LMTK2: variants seen among roughly 807,000 people sequenced by gnomAD.
LMTK2 encodes the protein lemur tail kinase 2, also known as serine/threonine-protein kinase LMTK2.
LMTK2 carries 37 observed loss-of-function variants against 127.5 expected under a neutral mutation model. The observed-to-expected ratio is 0.29, with a 90% CI of 0.22 to 0.38. The LOEUF is 0.38. Among genes scored for constraint, LMTK2 ranks in the 10% least tolerant of loss-of-function variants. LMTK2 has a pLI of 1.00. For missense variants in LMTK2, 1,694 were observed against 1,920.3 expected (o/e 0.88, Z 2.20); for synonymous variants, 819 against 810.1 (o/e 1.01, Z -0.19).
intron 1 of LMTK2, among the ~76,000 whole-genome samples, chr7:98,120,364 G>T (rs1796343809): frequency 6.6e-6 from 1 of 151,964 alleles, no homozygotes; most frequent in Non-Finnish European, 1.5e-5. Context: ...AGTTTGACAT[G>T]GTATAATTGC....
chr7:98,159,172 T>C (rs1796975800), intron 5 of LMTK2, among the ~76,000 whole-genome samples, 166 bp from the exon 6 acceptor site: 1 of 152,248 alleles, frequency 6.6e-6, no homozygotes, highest in African/African-American at 2.4e-5. Context: ...ACCTTTTAAG[T>C]ATAATCTTCG....
intron 6 of LMTK2, among the ~76,000 whole-genome samples, chr7:98,169,226 C>T (rs919882471): frequency 2.0e-5 from 3 of 152,146 alleles, no homozygotes; most frequent in Non-Finnish European, 4.4e-5. Context: ...GATGTTCTTC[C>T]CTATTCCTGG....
Position 98,205,531 on chromosome 7 carries a change from C to G in LMTK2, c.*39C>G, listed in dbSNP as rs779244078. The G allele has an allele frequency of 1.2e-6, 2 of 1,608,726 alleles. No homozygotes were observed. The highest frequency in any genetic ancestry group is 2.2e-5 in the South Asian group (2 of 90,974). ...CGCACGCTCGGGTCCGAGGCTGCTCCCCTGGAGCGGCGCCCCTGCGCCCTC... is the reference window on the plus strand; with the variant it reads ...CGCACGCTCGGGTCCGAGGCTGCTCGCCTGGAGCGGCGCCCCTGCGCCCTC... On this transcript the variant is annotated 3_prime_UTR_variant, in exon 14 of 14. Transcript: ENST00000297293.
At chr7:98,170,756 C>T (rs953058472) in intron 6 of LMTK2, among the ~76,000 whole-genome samples, 3 of 152,004 alleles carry the variant, frequency 2.0e-5, no homozygotes, top group South Asian at 2.1e-4. Flanking sequence ...AACAGATACA[C>T]GGTAAACTCC....
chr7:98,186,282 C>T (rs553317294), intron 8 of LMTK2, among the ~76,000 whole-genome samples: 3 of 152,168 alleles, frequency 2.0e-5, no homozygotes, highest in South Asian at 4.2e-4. Context: ...AGGCTGGTCT[C>T]GAACTCCTGA....
intron 2 of LMTK2, 88 bp downstream of exon 2, chr7:98,137,530 G>T: frequency 2.3e-6 from 3 of 1,302,586 alleles, no homozygotes; most frequent in East Asian, 5.0e-5. Context: ...TTGGGAACAG[G>T]ATCAGCAGAT....
At chr7:98,157,854 G>A (rs548999738) in intron 5 of LMTK2, among the ~76,000 whole-genome samples, 1 of 152,288 alleles carries the variant, frequency 6.6e-6, no homozygotes, top group Non-Finnish European at 1.5e-5. Context: ...GATCTTTGTG[G>A]TGATGGGATA....
intron 6 of LMTK2, among the ~76,000 whole-genome samples, chr7:98,167,129 G>A (rs1797112583): frequency 6.6e-6 from 1 of 152,142 alleles, no homozygotes; most frequent in Non-Finnish European, 1.5e-5. Flanking sequence ...TGATAGGGTG[G>A]GGCGGCTTTG....
intron 11 of LMTK2, among the ~76,000 whole-genome samples, chr7:98,202,445 T>A (rs1797717355): frequency 6.6e-6 from 1 of 152,190 alleles, no homozygotes. Context: ...TTTTCCCAGG[T>A]AAATTGAGGT....
At chr7:98,164,953 C>T (rs1305442580) in intron 6 of LMTK2, among the ~76,000 whole-genome samples, 1 of 152,220 alleles carries the variant, frequency 6.6e-6, no homozygotes, top group Non-Finnish European at 1.5e-5. Context: ...GCCAGTAAAA[C>T]ATGGAGTCAG....
chr7:98,199,737 C>T (rs568485840), intron 11 of LMTK2, among the ~76,000 whole-genome samples: 3 of 152,194 alleles, frequency 2.0e-5, no homozygotes, highest in Non-Finnish European at 4.4e-5. Flanking sequence ...TCAAGCAATC[C>T]GCCCGCCTCG....
chr7:98,187,006 T>C lies in LMTK2; in HGVS notation c.998+8T>C. On this transcript the variant is annotated splice_region_variant and intron_variant, in intron 9 of 13. Transcript: ENST00000297293. ...TAAGTATAGTAATATCTGGTACGTATTGGCTTACCGTTTTATTAGTCATTT... is the reference window on the plus strand; with the variant it reads ...TAAGTATAGTAATATCTGGTACGTACTGGCTTACCGTTTTATTAGTCATTT... The C allele has an allele frequency of 6.2e-7, 1 of 1,606,790 alleles. No individual in the cohort carries two copies. The highest frequency in any genetic ancestry group is 8.5e-7 in the Non-Finnish European group (1 of 1,177,916).
chr7:98,165,551 A>G (rs1037855959), intron 6 of LMTK2, among the ~76,000 whole-genome samples: 3 of 152,144 alleles, frequency 2.0e-5, no homozygotes, highest in Non-Finnish European at 2.9e-5. Flanking sequence ...TCCTGGTCTC[A>G]AGTGATCTTC....
At chr7:98,147,419 A>C (rs1796790142) in intron 3 of LMTK2, among the ~76,000 whole-genome samples, 1 of 151,876 alleles carries the variant, frequency 6.6e-6, no homozygotes, top group Admixed American at 6.6e-5. Context: ...GCAGCATCTC[A>C]CTGTGTTGCC....
intron 5 of LMTK2, among the ~76,000 whole-genome samples, chr7:98,156,021 GA>G (rs1000078448): frequency 1.4e-4 from 20 of 145,760 alleles, no homozygotes; most frequent in Non-Finnish European, 2.6e-4. Flanking sequence ...AAACTCAACA[GA>G]AAAAAAAAAC....
intron 3 of LMTK2, among the ~76,000 whole-genome samples, chr7:98,146,776 C>A (rs892361579): frequency 1.3e-5 from 2 of 152,080 alleles, no homozygotes; most frequent in African/African-American, 4.8e-5. Flanking sequence ...TAAAAAGAGG[C>A]GTTAGACACC....
chr7:98,114,357 A>G (rs1796247357), intron 1 of LMTK2, among the ~76,000 whole-genome samples: 1 of 151,020 alleles, frequency 6.6e-6, no homozygotes, highest in Admixed American at 6.6e-5. Context: ...CTCCCACCTC[A>G]GCCTCCTGAA....
intron 9 of LMTK2, 60 bp from the exon 10 acceptor site, chr7:98,190,668 G>A: frequency 1.3e-6 from 2 of 1,491,590 alleles, no homozygotes; most frequent in Non-Finnish European, 1.9e-6. Context: ...TAACAAGTAT[G>A]AGTGTTAAAA....
Position 98,109,763 on chromosome 7 carries a change from AGAAAG to A in LMTK2, c.103+2487_103+2491del, listed in dbSNP as rs1269374760. Among the ~76,000 whole-genome samples, 103 of 151,304 alleles carry A rather than the reference AGAAAG, an allele frequency of 6.8e-4. No individual in the cohort carries two copies. In the Middle Eastern group the frequency reaches 0.017, roughly 25 times the overall value. ...CGTCTCAAAAAAAAAAAAAAAAAAA[AGAAAG>A]GAAGATGCACAATCAGACATAGATA... On this transcript the variant is annotated intron_variant, in intron 1 of 13. Transcript: ENST00000297293.
Sources: allele counts gnomAD v4.1 joint callset (sites outside exome capture counted in the v4.1 genomes callset), GRCh38; gene constraint gnomAD v4.1.1; transcripts MANE v1.5; gene names NCBI Gene and HGNC (gene_info 2026-07-23, HGNC 2026-07-21).